Variants in PSMD1 observed in about 807,000 individuals in gnomAD.
PSMD1 encodes the protein proteasome 26S subunit, non-ATPase 1.
PSMD1 carries 18 observed loss-of-function variants against 119.0 expected under a neutral mutation model. The ratio of observed to expected loss-of-function variants is 0.15; its 90% confidence interval spans 0.10 to 0.22. The LOEUF (loss-of-function observed/expected upper bound fraction) is 0.22, where lower values mean the gene tolerates loss of function less well. Among genes scored for constraint, PSMD1 ranks in the 10% least tolerant of loss-of-function variants. PSMD1 has a pLI of 1.00. For synonymous variants in PSMD1, 374 were observed against 396.6 expected (o/e 0.94, Z 0.68); for missense variants, 702 against 1,158.5 (o/e 0.61, Z 5.72).
chr2:231,092,547 C>A (rs7603942), intron 16 of PSMD1, among the ~76,000 whole-genome samples: 74,570 of 152,022 alleles, frequency 0.49, 21,686 homozygotes, highest in African/African-American at 0.81. Context: ...CATGGACTCT[C>A]CTTGGGATCT....
In PSMD1 at chr2:231,077,097, G is replaced by T. The variant is rs78959779; in HGVS notation, c.1006G>T (p.Glu336Ter). ...IKILSGEMAI[E>*]LHLQFLIRNN... is the part of the protein sequence containing the mutation. Reference sequence around the variant, plus strand: ...AATTTTAAGTGGTGAAATGGCTATTGAGTTACATCTGCAGTTCTTAATACG... The same window carrying T: ...AATTTTAAGTGGTGAAATGGCTATTTAGTTACATCTGCAGTTCTTAATACG... The change falls in exon 9 of 25, where the codon GAG becomes TAG. Residue 336 changes from glutamate (E) to a stop codon, truncating the protein, a stop_gained. Transcript: ENST00000308696. LOFTEE classifies it high-confidence loss of function. 6.2e-7 allele frequency: 1 copy of T among 1,600,332 alleles called. No homozygotes were observed. Among genetic ancestry groups the T allele is most frequent in the South Asian group, 1.1e-5 (1 of 89,836 alleles).
At chr2:231,124,859 C>T (rs1373062174) in intron 16 of PSMD1, 1 of 151,730 alleles carries the variant, frequency 6.6e-6, no homozygotes, top group East Asian at 1.9e-4. Context: ...GTAAATTTTT[C>T]ATTTTGATTT....
chr2:231,165,034 T>TTATATATATATATATA (rs66656378), intron 21 of PSMD1, 166 bp from the exon 22 acceptor site: 10 of 21,824 alleles, frequency 4.6e-4, no homozygotes, highest in South Asian at 1.2e-3. Flanking sequence ...TTATATATAT[T>TTATATATATATATATA]TATATATATA....
At chr2:231,105,809 C>G (rs954763592) in intron 16 of PSMD1, among the ~76,000 whole-genome samples, 1 of 151,250 alleles carries the variant, frequency 6.6e-6, no homozygotes, top group Admixed American at 6.6e-5. Context: ...AACACTAACA[C>G]TAACTTCATG....
chr2:231,167,911 T>C lies in PSMD1; in HGVS notation c.2715+1894T>C, dbSNP rs561868901. Among the ~76,000 whole-genome samples, 43 of 152,296 alleles carry C rather than the reference T, an allele frequency of 2.8e-4. No individual in the cohort carries two copies. In the South Asian group the frequency reaches 8.9e-3, roughly 32 times the overall value. The stretch of plus-strand genomic sequence containing the variant: ...AAAGATGCTCAACATCATTACTCAT[T>C]AGGAAATGCAAATCAAAACCATAAC... On this transcript the variant is annotated intron_variant, in intron 23 of 24. Transcript: ENST00000308696.
At chr2:231,151,160 A>G (rs1249377423) in intron 18 of PSMD1, among the ~76,000 whole-genome samples, 3 of 152,096 alleles carry the variant, frequency 2.0e-5, no homozygotes, top group Non-Finnish European at 4.4e-5. Context: ...TCTCCTGGAA[A>G]TTCTACTTTT....
intron 12 of PSMD1, among the ~76,000 whole-genome samples, chr2:231,081,543 A>G (rs1460732769): frequency 1.3e-5 from 2 of 152,190 alleles, no homozygotes; most frequent in African/African-American, 2.4e-5. Flanking sequence ...ATTTTTGGCC[A>G]TTGGGTTATT....
intron 16 of PSMD1, among the ~76,000 whole-genome samples, chr2:231,124,396 C>T (rs1176319400): frequency 2.0e-5 from 3 of 152,038 alleles, no homozygotes; most frequent in South Asian, 2.1e-4. Flanking sequence ...ATAGAAAAGT[C>T]GAAACACAAT....
intron 16 of PSMD1, among the ~76,000 whole-genome samples, chr2:231,118,440 A>C (rs1695418435): frequency 6.6e-6 from 1 of 151,978 alleles, no homozygotes; most frequent in Admixed American, 6.6e-5. Context: ...GAGAACAGTT[A>C]ACTCTGTTTA....
intron 16 of PSMD1, chr2:231,133,667 A>G (rs551072089): frequency 6.6e-6 from 1 of 152,318 alleles, no homozygotes; most frequent in African/African-American, 2.4e-5. Context: ...TGATAGCCCC[A>G]TTTAGAATAG....
chr2:231,062,848 G>A (rs1270897452), intron 4 of PSMD1, among the ~76,000 whole-genome samples, 173 bp downstream of exon 4: 1 of 152,080 alleles, frequency 6.6e-6, no homozygotes, highest in African/African-American at 2.4e-5. Flanking sequence ...CCCTTCAACT[G>A]AGTGCTGGTT....
chr2:231,121,327 A>G (rs1178644692), intron 16 of PSMD1, among the ~76,000 whole-genome samples: 1 of 152,194 alleles, frequency 6.6e-6, no homozygotes, highest in Non-Finnish European at 1.5e-5. Context: ...CAGGAGTTTG[A>G]GGCCAGCCCA....
intron 18 of PSMD1, among the ~76,000 whole-genome samples, chr2:231,147,111 G>T (rs1243296734): frequency 1.3e-5 from 2 of 152,096 alleles, no homozygotes; most frequent in African/African-American, 4.8e-5. Context: ...AACCCAGCTT[G>T]CCCCAAAGAG....
chr2:231,152,074 C>G (rs1478531460), intron 18 of PSMD1, among the ~76,000 whole-genome samples: 1 of 152,042 alleles, frequency 6.6e-6, no homozygotes, highest in African/African-American at 2.4e-5. Context: ...TCGGTCTCCC[C>G]CAAAGTGCTG....
At position 231,077,148 on chromosome 2, in the gene PSMD1, C is replaced by T. The variant is rs140570911; in HGVS notation, c.1057C>T (p.Leu353=). 4.8e-4 allele frequency: 728 copies of T among 1,524,594 alleles called. 2 individuals carry two copies. The highest frequency in any genetic ancestry group is 4.3e-3 in the Middle Eastern group (23 of 5,330). The allele number at this position is 1,524,594 out of a possible 1,614,324, so 94.4% of individuals were successfully genotyped here. ...IRNNNTDLMI[L]KNTKDAVRNS... Reference sequence around the variant, plus strand: ...AAACAATAATACAGACCTCATGATTCTAAAAAACACAAAGGTAAGAAATTC... The same window carrying T: ...AAACAATAATACAGACCTCATGATTTTAAAAAACACAAAGGTAAGAAATTC... Residue 353 remains leucine (L), a synonymous_variant, in exon 9 of 25, where the codon CTA becomes TTA. Coordinates refer to ENST00000308696, the MANE Select transcript of PSMD1 (RefSeq NM_002807.4).
At chr2:231,082,843 A>G (rs772968468) in intron 12 of PSMD1, 40 bp from the exon 13 acceptor site, 1 of 1,426,284 alleles carries the variant, frequency 7.0e-7, no homozygotes. Context: ...TATGTTAAGT[A>G]CAGTGTACCA....
intron 16 of PSMD1, among the ~76,000 whole-genome samples, chr2:231,107,392 C>T (rs1017024063): frequency 6.6e-6 from 1 of 152,204 alleles, no homozygotes; most frequent in Admixed American, 6.5e-5. Flanking sequence ...AAAGGAAAAG[C>T]TAAGGTATGA....
chr2:231,111,263 C>CT (rs1418104996), intron 16 of PSMD1, among the ~76,000 whole-genome samples: 5 of 152,198 alleles, frequency 3.3e-5, no homozygotes, highest in Admixed American at 1.3e-4. Flanking sequence ...ATTATGAACT[C>CT]TAATACTTCC....
intron 16 of PSMD1, among the ~76,000 whole-genome samples, chr2:231,132,235 T>A (rs895596807): frequency 1.3e-5 from 2 of 152,216 alleles, no homozygotes; most frequent in African/African-American, 2.4e-5. Flanking sequence ...ATAGTATATA[T>A]GTTATATTTT....
Sources: allele counts gnomAD v4.1 joint callset (sites outside exome capture counted in the v4.1 genomes callset), GRCh38; gene constraint gnomAD v4.1.1; transcripts MANE v1.5; gene names NCBI Gene and HGNC (gene_info 2026-07-23, HGNC 2026-07-21).